The following RBFOX1 variants were observed in gnomAD, a reference collection of about 807,000 sequenced individuals.
RBFOX1 encodes the protein RNA binding protein fox-1 homolog 1.
RBFOX1 carries 8 observed loss-of-function variants against 57.7 expected under a neutral mutation model. The observed-to-expected ratio is 0.14, with a 90% CI of 0.08 to 0.25. The LOEUF is 0.25. RBFOX1 is among the 10% of genes least tolerant of loss of function. The pLI is 1.00. For synonymous variants in RBFOX1, 326 were observed against 222.4 expected (o/e 1.47, Z -4.15); for missense variants, 611 against 548.5 (o/e 1.11, Z -1.14).
intron 3 of RBFOX1, among the ~76,000 whole-genome samples, chr16:7,024,778 A>T (rs1371394535): frequency 8.5e-5 from 13 of 152,186 alleles, no homozygotes; most frequent in Non-Finnish European, 8.8e-5. Flanking sequence ...TTGAGTTCAG[A>T]GCCATTCCCT....
At chr16:6,956,336 TC>T (rs1446732643) in intron 3 of RBFOX1, among the ~76,000 whole-genome samples, 1 of 152,152 alleles carries the variant, frequency 6.6e-6, no homozygotes, top group Admixed American at 6.5e-5. Flanking sequence ...CATTAATTAT[TC>T]CCCAAAGTAT....
At chr16:6,512,702 G>A (rs939989690) in intron 2 of RBFOX1, among the ~76,000 whole-genome samples, 5 of 152,184 alleles carry the variant, frequency 3.3e-5, no homozygotes, top group African/African-American at 1.2e-4. Flanking sequence ...GACCCTTGCT[G>A]TCTTGTGTTT....
At position 6,131,638 on chromosome 16, in the gene RBFOX1, T is replaced by C. The variant is rs566278112; in HGVS notation, c.-127+111646T>C. On this transcript the variant is annotated intron_variant, in intron 1 of 15. Transcript: ENST00000550418. Reference sequence around the variant, plus strand: ...ATTGCTCCTTTCAAGATTCACCATATCAACATAGTAGCTACTCTCTTTGGT... The same window carrying C: ...ATTGCTCCTTTCAAGATTCACCATACCAACATAGTAGCTACTCTCTTTGGT... Among the ~76,000 whole-genome samples the C allele has an allele frequency of 3.9e-5, 6 of 152,316 alleles. No homozygotes were observed. In the East Asian group the frequency reaches 1.2e-3, roughly 29 times the overall value.
chr16:6,415,485 G>A (rs810591), intron 2 of RBFOX1, among the ~76,000 whole-genome samples: 1 of 151,444 alleles, frequency 6.6e-6, no homozygotes, highest in South Asian at 2.1e-4. Flanking sequence ...GGCGGATCAC[G>A]AGGTTAGGAG....
intron 4 of RBFOX1, among the ~76,000 whole-genome samples, chr16:7,451,997 G>C (rs1420823899): frequency 2.6e-5 from 4 of 152,176 alleles, no homozygotes; most frequent in East Asian, 3.9e-4. Flanking sequence ...AAAGAGACTA[G>C]TACGACCAAA....
At chr16:6,150,983 T>C (rs578107163) in intron 1 of RBFOX1, among the ~76,000 whole-genome samples, 1 of 152,196 alleles carries the variant, frequency 6.6e-6, no homozygotes, top group Non-Finnish European at 1.5e-5. Context: ...TAGATGTTCC[T>C]GCTGTTCTCC....
At chr16:6,453,401 T>C (rs570797735) in intron 2 of RBFOX1, among the ~76,000 whole-genome samples, 1 of 152,282 alleles carries the variant, frequency 6.6e-6, no homozygotes, top group East Asian at 1.9e-4. Flanking sequence ...CTGAGAATGA[T>C]GGTCTACGCA....
At chr16:7,185,279 G>T (rs562488698) in intron 4 of RBFOX1, among the ~76,000 whole-genome samples, 1 of 151,938 alleles carries the variant, frequency 6.6e-6, no homozygotes, top group Non-Finnish European at 1.5e-5. Context: ...GTGTTTGCAC[G>T]TATTTTTTTT....
chr16:7,660,561 C>T (rs909265681), intron 12 of RBFOX1, among the ~76,000 whole-genome samples: 3 of 152,172 alleles, frequency 2.0e-5, no homozygotes, highest in East Asian at 1.9e-4. Context: ...AGAACTTTCC[C>T]GTAACCAGCT....
chr16:6,101,962 T>A (rs892983639), intron 1 of RBFOX1, among the ~76,000 whole-genome samples: 4 of 151,954 alleles, frequency 2.6e-5, no homozygotes, highest in Non-Finnish European at 5.9e-5. Flanking sequence ...AGGCCCAGGG[T>A]GGGAGCTGAT....
chr16:7,405,061 A>G (rs557366996), intron 4 of RBFOX1, among the ~76,000 whole-genome samples: 1 of 152,178 alleles, frequency 6.6e-6, no homozygotes, highest in Non-Finnish European at 1.5e-5. Context: ...TGTGTTTTCA[A>G]AGCTGGGCAG....
chr16:7,693,722 T>G (rs754207235), intron 14 of RBFOX1, among the ~76,000 whole-genome samples: 3 of 152,202 alleles, frequency 2.0e-5, no homozygotes, highest in African/African-American at 4.8e-5. Flanking sequence ...TCCATGTTTT[T>G]TGACGTGTTA....
At chr16:6,653,172 A>T (rs140677686) in intron 2 of RBFOX1, among the ~76,000 whole-genome samples, 1 of 151,930 alleles carries the variant, frequency 6.6e-6, no homozygotes, top group Non-Finnish European at 1.5e-5. Context: ...CCTTTTCTCA[A>T]TTGCCACTTT....
rs943685898 is a variant in RBFOX1, at chr16:6,020,082, C to A, written c.-127+90C>A. On this transcript the variant is annotated intron_variant, in intron 1 of 15. Coordinates refer to ENST00000550418, the MANE Select transcript of RBFOX1 (RefSeq NM_018723.4). The stretch of plus-strand genomic sequence containing the variant: ...CTCATGGAGGGAAGCGCTAGGTCCC[C>A]GAGAACTGGCCTCCTCCTAGCGCCA... 4 of 1,306,548 alleles carry A rather than the reference C, an allele frequency of 3.1e-6. No individual in the cohort carries two copies. The African/African-American group carries it at 4.6e-5, about 15-fold the overall frequency. 80.9% of individuals were successfully genotyped at this position (1,306,548 alleles called of 1,614,324 possible).
At chr16:5,322,957 T>C (rs1472752536) in intron 1 of RBFOX1, among the ~76,000 whole-genome samples, 1 of 152,268 alleles carries the variant, frequency 6.6e-6, no homozygotes, top group Admixed American at 6.5e-5. Flanking sequence ...TCTGAGGTCC[T>C]GGGGGCATGG....
chr16:5,499,502 A>T (rs2043115328), intron 2 of RBFOX1, among the ~76,000 whole-genome samples: 1 of 152,112 alleles, frequency 6.6e-6, no homozygotes, highest in South Asian at 2.1e-4. Flanking sequence ...AGGCTACATC[A>T]CTTAACCAAA....
At chr16:7,254,754 C>A (rs1050468730) in intron 4 of RBFOX1, among the ~76,000 whole-genome samples, 1 of 152,114 alleles carries the variant, frequency 6.6e-6, no homozygotes, top group Non-Finnish European at 1.5e-5. Context: ...CATTACGTCT[C>A]TGAAGCATTA....
intron 1 of RBFOX1, among the ~76,000 whole-genome samples, chr16:6,076,222 C>T (rs1326369517): frequency 6.6e-6 from 1 of 151,934 alleles, no homozygotes; most frequent in Non-Finnish European, 1.5e-5. Flanking sequence ...TTGCTTGAAC[C>T]CGGGAGGCGG....
chr16:7,360,271 C>G (rs1018573098), intron 4 of RBFOX1, among the ~76,000 whole-genome samples: 1 of 152,074 alleles, frequency 6.6e-6, no homozygotes, highest in Non-Finnish European at 1.5e-5. Flanking sequence ...GCCTAGAATT[C>G]TTAGAATAGA....
Sources: gnomAD v4.1 joint callset for allele counts (sites outside exome capture counted in the v4.1 genomes callset) on GRCh38, gnomAD v4.1.1 for gene constraint, MANE v1.5 for transcripts, NCBI Gene and HGNC (gene_info 2026-07-23, HGNC 2026-07-21) for gene names.